Variants in OR4N2 observed in about 807,000 individuals in gnomAD.
The protein encoded by OR4N2 is olfactory receptor family 4 subfamily N member 2.
For missense variants in OR4N2, 307 were observed against 377.6 expected (o/e 0.81, Z 1.55); for synonymous variants, 141 against 140.4 (o/e 1.00, Z -0.03).
chr14:19,816,548 T>A (rs1194966312), intron 1 of OR4N2, among the ~76,000 whole-genome samples: 2 of 152,270 alleles, frequency 1.3e-5, no homozygotes, highest in Non-Finnish European at 2.9e-5. Context: ...TGATTTTGTA[T>A]CCCGAGACTT....
chr14:19,811,718 G>A lies in OR4N2; in HGVS notation c.-10+7874G>A, dbSNP rs1355972927. 3.9e-5 allele frequency among the ~76,000 whole-genome samples: 6 copies of A among 152,376 alleles called. No individual in the cohort carries two copies. In the East Asian group the frequency reaches 5.8e-4, roughly 15 times the overall value. ...TGGAAAAATGATATGATCTCGCCAA[G>A]AGGCAGAAAATCATTTGTTTTAACA... On this transcript the variant is annotated intron_variant, in intron 1 of 1. Coordinates refer to ENST00000557677, the MANE Select transcript of OR4N2 (RefSeq NM_001004723.3).
At chr14:19,819,852 C>G (rs1253242342) in intron 1 of OR4N2, among the ~76,000 whole-genome samples, 41 of 152,288 alleles carry the variant, frequency 2.7e-4, no homozygotes, top group Non-Finnish European at 5.9e-5. Context: ...TGTTGGTGAC[C>G]TTCAGTTGGG....
chr14:19,825,460 T>C (rs1879670094), intron 1 of OR4N2, among the ~76,000 whole-genome samples: 1 of 151,434 alleles, frequency 6.6e-6, no homozygotes, highest in East Asian at 1.9e-4. Flanking sequence ...TTCTAGGTAC[T>C]GTTGCAGTAG....
In OR4N2 at chr14:19,827,490, C is replaced by A. The variant is rs1566469401; in HGVS notation, c.42C>A (p.Leu14=). 1 of 1,610,768 alleles carries A rather than the reference C, an allele frequency of 6.2e-7. No individual in the cohort carries two copies. The highest frequency in any genetic ancestry group is 1.3e-5 in the African/African-American group (1 of 74,780). Residue 14 remains leucine, a synonymous_variant, in exon 2 of 2, where the codon CTC becomes CTA. Transcript: ENST00000557677. ...ENRTVIREFI[L]LGLTQSQDIQ... Reference sequence around the variant, plus strand: ...GAACAGTGATAAGAGAATTCATCCTCCTTGGTCTGACCCAGTCTCAAGATA... The same window carrying A: ...GAACAGTGATAAGAGAATTCATCCTACTTGGTCTGACCCAGTCTCAAGATA...
In OR4N2 at chr14:19,829,481, A is replaced by T. The variant is rs1311825616; in HGVS notation, c.*1109A>T. 3.3e-5 allele frequency: 5 copies of T among 152,296 alleles called. No individual in the cohort carries two copies. The highest frequency in any genetic ancestry group is 1.2e-4 in the African/African-American group (5 of 41,480). The allele number at this position is 152,296 out of a possible 1,614,324, so 9.4% of individuals were successfully genotyped here. A position where few individuals can be genotyped will look rare whatever the true frequency, so the allele number is the denominator to read the frequency against. On this transcript the variant is annotated 3_prime_UTR_variant, in exon 2 of 2. Coordinates refer to ENST00000557677, the MANE Select transcript of OR4N2 (RefSeq NM_001004723.3). Reference sequence around the variant, plus strand: ...AAGACTATAGGCTGGACGTCCAGAGATGCCTTACAGACTAACACAGGTGAC... The same window carrying T: ...AAGACTATAGGCTGGACGTCCAGAGTTGCCTTACAGACTAACACAGGTGAC...
intron 1 of OR4N2, among the ~76,000 whole-genome samples, chr14:19,805,221 T>G (rs1468258622): frequency 6.6e-6 from 1 of 152,014 alleles, no homozygotes; most frequent in Non-Finnish European, 1.5e-5. Flanking sequence ...TTAGATTGTG[T>G]GTTTCCCAGC....
intron 1 of OR4N2, among the ~76,000 whole-genome samples, chr14:19,820,573 T>C (rs1411864408): frequency 1.3e-5 from 2 of 152,226 alleles, no homozygotes; most frequent in African/African-American, 4.8e-5. Flanking sequence ...AGATGGGACT[T>C]TTATCTATAA....
In OR4N2 at chr14:19,827,425, C is replaced by T; in HGVS notation, c.-9-15C>T. On this transcript the variant is annotated splice_polypyrimidine_tract_variant and intron_variant, in intron 1 of 1. Coordinates refer to ENST00000557677, the MANE Select transcript of OR4N2 (RefSeq NM_001004723.3). The stretch of plus-strand genomic sequence containing the variant: ...ATAGTAATAACAATTAATTCTGCTT[C>T]TTAATGTACTGCAGGCCAGGGAAAT... The T allele has an allele frequency of 6.5e-7, 1 of 1,545,672 alleles. No homozygotes were observed. Among genetic ancestry groups the T allele is most frequent in the East Asian group, 2.2e-5 (1 of 44,544 alleles).
At chr14:19,820,319 T>A (rs1206678499) in intron 1 of OR4N2, among the ~76,000 whole-genome samples, 3 of 152,282 alleles carry the variant, frequency 2.0e-5, no homozygotes, top group Admixed American at 6.5e-5. Context: ...TTTCTTGTCT[T>A]CTGCTAGCTT....
chr14:19,820,778 C>A (rs1879545899), intron 1 of OR4N2, among the ~76,000 whole-genome samples: 1 of 152,242 alleles, frequency 6.6e-6, no homozygotes, highest in Admixed American at 6.5e-5. Context: ...ATGCCCCTAC[C>A]CCAACCAAGC....
In OR4N2 at chr14:19,828,493, A is replaced by C. The variant is rs1254628127; in HGVS notation, c.*121A>C. 2 of 1,079,948 alleles carry C rather than the reference A, an allele frequency of 1.9e-6. No individual in the cohort carries two copies. Among genetic ancestry groups the C allele is most frequent in the African/African-American group, 1.6e-5 (1 of 61,946 alleles). 66.9% of individuals were successfully genotyped at this position (1,079,948 alleles called of 1,614,324 possible). On this transcript the variant is annotated 3_prime_UTR_variant, in exon 2 of 2. Transcript: ENST00000557677. ...CCCATTTGTCAGGACTATTCTGGGA[A>C]CTGAAAAAAGAAATTACTGAGGCAG...
chr14:19,814,638 T>C (rs1473679260), intron 1 of OR4N2, among the ~76,000 whole-genome samples: 2 of 152,266 alleles, frequency 1.3e-5, no homozygotes, highest in Non-Finnish European at 2.9e-5. Flanking sequence ...TGTTGGAACC[T>C]GAGGCAACAG....
intron 1 of OR4N2, among the ~76,000 whole-genome samples, chr14:19,817,477 GTA>G (rs1219181364): frequency 2.2e-4 from 34 of 152,348 alleles, no homozygotes; most frequent in African/African-American, 7.7e-4. Context: ...GTTTATTTGT[GTA>G]GAGGTGTTTG....
chr14:19,821,116 A>G (rs1879554474), intron 1 of OR4N2, among the ~76,000 whole-genome samples: 1 of 152,392 alleles, frequency 6.6e-6, no homozygotes, highest in East Asian at 1.9e-4. Flanking sequence ...GGAAAAGCCT[A>G]GTATCTGAAT....
chr14:19,826,162 T>C (rs1421654314), intron 1 of OR4N2, among the ~76,000 whole-genome samples: 2 of 152,276 alleles, frequency 1.3e-5, no homozygotes, highest in African/African-American at 2.4e-5. Flanking sequence ...CTATGTTCTT[T>C]CTATACTTCA....
intron 1 of OR4N2, among the ~76,000 whole-genome samples, chr14:19,817,843 C>G (rs1262410313): frequency 6.6e-6 from 1 of 152,254 alleles, no homozygotes; most frequent in Non-Finnish European, 1.5e-5. Flanking sequence ...AAATTTTCCT[C>G]TAAACACTGC....
chr14:19,812,162 T>C (rs1408910408), intron 1 of OR4N2, among the ~76,000 whole-genome samples: 4 of 152,286 alleles, frequency 2.6e-5, no homozygotes, highest in African/African-American at 9.6e-5. Context: ...CGAAACAAAG[T>C]AAACTTAAAT....
intron 1 of OR4N2, among the ~76,000 whole-genome samples, chr14:19,807,657 A>T (rs188124711): frequency 5.4e-3 from 674 of 125,756 alleles, no homozygotes; most frequent in African/African-American, 0.018. Context: ...ACCAGATTTT[A>T]AAAAAAAGAA....
intron 1 of OR4N2, among the ~76,000 whole-genome samples, chr14:19,807,833 C>T (rs192873138): frequency 1.8e-3 from 270 of 152,188 alleles, no homozygotes; most frequent in African/African-American, 6.4e-3. Flanking sequence ...CAAATATCAT[C>T]AACAAAATGT....
Sources: allele counts gnomAD v4.1 joint callset (sites outside exome capture counted in the v4.1 genomes callset), GRCh38; gene constraint gnomAD v4.1.1; transcripts MANE v1.5; gene names NCBI Gene and HGNC (gene_info 2026-07-23, HGNC 2026-07-21).